Variants in DNAH10 observed in about 807,000 individuals in gnomAD.
DNAH10 encodes axonemal beta dynein heavy chain 10.
Under a neutral mutation model 506.6 loss-of-function variants are expected in DNAH10, and 348 were observed. The observed-to-expected ratio is 0.69, with a 90% CI of 0.63 to 0.75. The LOEUF (loss-of-function observed/expected upper bound fraction) is 0.75. Ranked by LOEUF, DNAH10 falls within the 30% of genes least tolerant of loss-of-function variation. DNAH10 has a pLI of 0.00. For synonymous variants in DNAH10, 2,059 were observed against 2,198.6 expected, an observed-to-expected ratio of 0.94 and a Z score of 1.78; for missense variants, 5,179 against 5,787.1, an observed-to-expected ratio of 0.89 and a Z score of 3.41.
intron 29 of DNAH10, 52 bp downstream of exon 29, chr12:123,838,741 T>G: frequency 1.3e-6 from 2 of 1,517,336 alleles, no homozygotes; most frequent in South Asian, 2.3e-5. Flanking sequence ...AGAACCGCCT[T>G]CGGTCCTCCC....
Position 123,784,326 on chromosome 12 carries a change from C to T in DNAH10, c.1230+149C>T, listed in dbSNP as rs141894294. The T allele has an allele frequency of 4.0e-3, 3,082 of 772,724 alleles. 73 individuals are homozygous for T. In the African/African-American group the frequency reaches 0.046, roughly 12 times the overall value. 47.9% of individuals were successfully genotyped at this position (772,724 alleles called of 1,614,324 possible). A position where few individuals can be genotyped will look rare whatever the true frequency, so the allele number is the denominator to read the frequency against. ...CTTTGGGAGGCTGAGGTGGGCAGAT[C>T]GCTTGAGCTCAGGAGTTGGAAACCA... On this transcript the variant is annotated intron_variant, in intron 8 of 78. Transcript: ENST00000673944.
At position 123,934,718 on chromosome 12, in the gene DNAH10, G is replaced by A. The variant is rs1467458851; in HGVS notation, c.13575G>A (p.Leu4525=). 1.9e-6 allele frequency: 3 copies of A among 1,613,938 alleles called. No individual in the cohort carries two copies. Among genetic ancestry groups the A allele is most frequent in the Non-Finnish European group, 2.5e-6 (3 of 1,179,868 alleles). Residue 4525 remains leucine (L), a synonymous_variant, in exon 78 of 79, where the codon CTG becomes CTA. Coordinates refer to ENST00000673944, the MANE Select transcript of DNAH10 (RefSeq NM_001372106.1). The stretch of plus-strand genomic sequence containing the variant: ...AACCCAAGGTGCTGGTTGTGGACCT[G>A]CCGATCCTGAAGATCATCCCCATTG... ...KSKPKVLVVD[L]PILKIIPIEA...
intron 18 of DNAH10, among the ~76,000 whole-genome samples, chr12:123,806,741 A>G (rs1194515787): frequency 1.3e-5 from 2 of 150,882 alleles, no homozygotes; most frequent in African/African-American, 2.4e-5. Context: ...GCTACCTCCT[A>G]TAGTGTTTCC....
chr12:123,773,684 C>T (rs913524942), intron 4 of DNAH10, among the ~76,000 whole-genome samples: 1 of 152,202 alleles, frequency 6.6e-6, no homozygotes, highest in African/African-American at 2.4e-5. Context: ...TCTCCTGTCT[C>T]TTCCTATAGG....
intron 77 of DNAH10, 39 bp downstream of exon 77, chr12:123,933,550 AG>A (rs1373697979): frequency 6.5e-7 from 1 of 1,541,106 alleles, no homozygotes; most frequent in East Asian, 2.4e-5. Flanking sequence ...CCTCTCACTT[AG>A]GATTTCTCTC....
chr12:123,864,878 A>C, intron 40 of DNAH10, 148 bp downstream of exon 40: 1 of 1,035,974 alleles, frequency 9.7e-7, no homozygotes, highest in East Asian at 2.8e-5. Flanking sequence ...TTTGTTCTTT[A>C]CTCCTCTCAT....
chr12:123,784,214 T>A (rs1248082841), intron 8 of DNAH10, 37 bp downstream of exon 8: 1 of 1,573,820 alleles, frequency 6.4e-7, no homozygotes, highest in Non-Finnish European at 8.7e-7. Flanking sequence ...GTCAGCTCTG[T>A]CAAAGAGATT....
At chr12:123,772,576 T>C (rs1957294307) in intron 3 of DNAH10, among the ~76,000 whole-genome samples, 1 of 152,180 alleles carries the variant, frequency 6.6e-6, no homozygotes, top group Admixed American at 6.5e-5. Context: ...TCAAGCTCCA[T>C]CTGGACCTTT....
In DNAH10 at chr12:123,873,610, G is replaced by A; in HGVS notation, c.7838G>A (p.Arg2613Lys). 2 of 1,613,904 alleles carry A rather than the reference G, an allele frequency of 1.2e-6. No homozygotes were observed. Among genetic ancestry groups the A allele is most frequent in the Non-Finnish European group, 1.7e-6 (2 of 1,179,876 alleles). ...SSRTTSMDIQ[R>K]NLEANVEKRT... ...CGCACCACGTCCATGGATATCCAAA[G>A]AAATTTAGAAGCAAATGTGGAAAAG... Residue 2613 changes from arginine to lysine, a missense_variant, in exon 46 of 79, where the codon AGA becomes AAA. Coordinates refer to ENST00000673944, the MANE Select transcript of DNAH10 (RefSeq NM_001372106.1).
chr12:123,810,402 G>A (rs932669451), intron 19 of DNAH10, among the ~76,000 whole-genome samples: 6 of 152,192 alleles, frequency 3.9e-5, no homozygotes, highest in African/African-American at 1.2e-4. Flanking sequence ...GATGAATAAG[G>A]CCAGGCGCGG....
chr12:123,900,812 G>A lies in DNAH10; in HGVS notation c.9640+1998G>A, dbSNP rs77175700. 8.7e-3 allele frequency among the ~76,000 whole-genome samples: 1,327 copies of A among 152,182 alleles called. 22 individuals are homozygous for A. The highest frequency in any genetic ancestry group is 0.031 in the African/African-American group (1,272 of 41,518). On this transcript the variant is annotated intron_variant, in intron 56 of 78. Coordinates refer to ENST00000673944, the MANE Select transcript of DNAH10 (RefSeq NM_001372106.1). ...CGTTTGGGCTTCATCTCAGGCAGCC[G>A]GCTCTGTCCATGCTGAGACTTTGGG...
At position 123,925,606 on chromosome 12, in the gene DNAH10, A is replaced by G. The variant is rs540605201; in HGVS notation, c.11921+402A>G. ...CTGTGTGAATTCACACTTACAGCAC[A>G]TCTCAATTGGGGCTAGCCACATTTT... On this transcript the variant is annotated intron_variant, in intron 68 of 78. Transcript: ENST00000673944. The surrounding 1 kb of genome is among the most constrained non-coding windows in gnomAD (Gnocchi z 4.0). The G allele has an allele frequency of 2.5e-4, 43 of 173,932 alleles. 1 individual carries two copies. In the South Asian group the frequency reaches 4.8e-3, roughly 19 times the overall value. The allele number at this position is 173,932 out of a possible 1,614,324, so 10.8% of individuals were successfully genotyped here.
chr12:123,933,396 G>T lies in DNAH10; in HGVS notation c.13362G>T (p.Thr4454=), dbSNP rs753458101. 6.8e-6 allele frequency: 11 copies of T among 1,611,538 alleles called. No homozygotes were observed. The highest frequency in any genetic ancestry group is 1.7e-5 in the Admixed American group (1 of 59,934). ...TGCACATCCCTGAGTCCTACCTCACGGCGCTGGTGCAGGCCACCTGCCGGA... is the reference window on the plus strand; with the variant it reads ...TGCACATCCCTGAGTCCTACCTCACTGCGCTGGTGCAGGCCACCTGCCGGA... ...SGLHIPESYL[T]ALVQATCRKN... is the part of the protein sequence containing the mutation. Residue 4454 remains threonine, a synonymous_variant, in exon 77 of 79, where the codon ACG becomes ACT. Transcript: ENST00000673944.
At chr12:123,818,884 C>A in intron 21 of DNAH10, 66 bp from the exon 22 acceptor site, 1 of 1,130,326 alleles carries the variant, frequency 8.8e-7, no homozygotes, top group Non-Finnish European at 1.3e-6. Flanking sequence ...TAACTTTGAC[C>A]ATCAATTTCA....
intron 13 of DNAH10, among the ~76,000 whole-genome samples, chr12:123,797,299 C>G (rs1344130895): frequency 6.6e-6 from 1 of 152,246 alleles, no homozygotes; most frequent in African/African-American, 2.4e-5. Context: ...AGCTCAATTT[C>G]AGACCCATGC....
At chr12:123,875,152 C>G in intron 46 of DNAH10, 79 bp from the exon 47 acceptor site, 3 of 1,489,200 alleles carry the variant, frequency 2.0e-6, no homozygotes, top group Non-Finnish European at 2.7e-6. Context: ...TGAGCTTGAG[C>G]TGGGATGGTC....
Position 123,861,133 on chromosome 12 carries a change from A to G in DNAH10, c.6871A>G (p.Arg2291Gly), listed in dbSNP as rs1951595196. 1 of 1,613,880 alleles carries G rather than the reference A, an allele frequency of 6.2e-7. No individual in the cohort carries two copies. Among genetic ancestry groups the G allele is most frequent in the Admixed American group, 1.7e-5 (1 of 59,998 alleles). Residue 2291 changes from arginine (R) to glycine (G), a missense_variant, in exon 39 of 79, where the codon AGG (arginine) becomes GGG (glycine). By Grantham distance (125) the Arg-to-Gly change is moderately radical. Transcript: ENST00000673944. The part of the protein sequence containing the change: ...WTDGVLSNIF[R>G]EINKPTDKKE... The stretch of plus-strand genomic sequence containing the variant: ...AGATGGGGTGTTGTCAAACATCTTC[A>G]GGGAAATCAACAAGCCAACAGACAA...
chr12:123,895,583 T>A (rs1486067303), intron 54 of DNAH10, among the ~76,000 whole-genome samples: 1 of 152,168 alleles, frequency 6.6e-6, no homozygotes, highest in Non-Finnish European at 1.5e-5. Context: ...AGACAATACG[T>A]AAATGAATCG....
intron 1 of DNAH10, among the ~76,000 whole-genome samples, chr12:123,765,024 T>G (rs1034619988): frequency 1.3e-5 from 2 of 151,992 alleles, no homozygotes; most frequent in Non-Finnish European, 1.5e-5. Flanking sequence ...GGACAGGTGG[T>G]TCTGGTCTGT....
Sources: gnomAD v4.1 joint callset for allele counts (sites outside exome capture counted in the v4.1 genomes callset) on GRCh38, gnomAD v4.1.1 for gene constraint, Gnocchi (gnomAD v3.1) non-coding constraint, MANE v1.5 for transcripts, NCBI Gene and HGNC (gene_info 2026-07-23, HGNC 2026-07-21) for gene names.